Variants in TCEA2 observed in about 807,000 individuals in gnomAD.
TCEA2 encodes transcription elongation factor A protein 2.
A neutral mutation model predicts 40.8 loss-of-function variants in TCEA2; 21 were observed. That is an observed-to-expected ratio of 0.51 (90% CI 0.36 to 0.74). TCEA2 has a LOEUF of 0.74. TCEA2 is among the 30% of genes least tolerant of loss of function. The pLI is 0.00. For missense variants in TCEA2, 326 were observed against 426.5 expected, an observed-to-expected ratio of 0.76 and a Z score of 2.08; for synonymous variants, 165 against 162.7, an observed-to-expected ratio of 1.01 and a Z score of -0.11.
At chr20:64,057,994 C>T (rs2059495996) in intron 1 of TCEA2, among the ~76,000 whole-genome samples, 1 of 152,226 alleles carries the variant, frequency 6.6e-6, no homozygotes, top group South Asian at 2.1e-4. Flanking sequence ...AGTCACCTGC[C>T]TCTGCCCGGG....
At chr20:64,063,496 C>A in intron 1 of TCEA2, 112 bp downstream of exon 1, 1 of 1,259,954 alleles carries the variant, frequency 7.9e-7, no homozygotes, top group Non-Finnish European at 1.1e-6. Context: ...GACGAGACCC[C>A]TCCCCGGCAG....
rs1360562214 is a variant in TCEA2, at chr20:64,058,196, C to T, written c.-84+545C>T. Among the ~76,000 whole-genome samples, 2 of 152,212 alleles carry T rather than the reference C, an allele frequency of 1.3e-5. No individual in the cohort carries two copies. Among genetic ancestry groups the T allele is most frequent in the Non-Finnish European group, 2.9e-5 (2 of 68,028 alleles). Reference sequence around the variant, plus strand: ...TGCTAACCCCCTTCCCTGCCTGTCCCGTCCGCTCCTTTCTCTCCATCACCT... The same window carrying T: ...TGCTAACCCCCTTCCCTGCCTGTCCTGTCCGCTCCTTTCTCTCCATCACCT... On this transcript the variant is annotated intron_variant, in intron 1 of 10. Transcript: ENST00000361317. The surrounding 1 kb of genome is among the most constrained non-coding windows in gnomAD (Gnocchi z 6.7).
rs2059805029 is a variant in TCEA2, at chr20:64,070,571, G to C, written c.755G>C (p.Gly252Ala). ...CGAGAGCACCAGATGGCCCGCACTG[G>C]CGGCACGCAGACAGACCTGTTCACC... ...AIREHQMART[G>A]GTQTDLFTCG... is the part of the protein sequence containing the mutation. Residue 252 changes from glycine to alanine, a missense_variant, in exon 8 of 10, where the codon GGC becomes GCC. By Grantham distance (60) the Gly-to-Ala change is moderately conservative. Coordinates refer to ENST00000343484, the MANE Select transcript of TCEA2 (RefSeq NM_003195.6). The C allele has an allele frequency of 6.2e-7, 1 of 1,613,742 alleles. No homozygotes were observed. The highest frequency in any genetic ancestry group is 2.2e-5 in the East Asian group (1 of 44,878).
intron 1 of TCEA2, 35 bp from the exon 2 acceptor site, chr20:64,066,441 A>G (rs1569248833): frequency 1.2e-6 from 2 of 1,610,062 alleles, no homozygotes; most frequent in East Asian, 2.2e-5. Context: ...GTTGAGATCT[A>G]AAGTCCTTTA....
At chr20:64,056,108 G>A (rs946379149), upstream of TCEA2, among the ~76,000 whole-genome samples, 7 of 152,148 alleles carry the variant, frequency 4.6e-5, no homozygotes, top group Admixed American at 1.3e-4. Flanking sequence ...ACTGGCCTCT[G>A]GGGATGCCTC....
At chr20:64,070,764 C>G in intron 8 of TCEA2, 129 bp downstream of exon 8, 1 of 1,335,756 alleles carries the variant, frequency 7.5e-7, no homozygotes, top group Non-Finnish European at 1.0e-6. Context: ...CCTGAGTAGG[C>G]TAAGGCATGA....
At chr20:64,057,163 A>C (rs1283359439), upstream of TCEA2, 1 of 152,144 alleles carries the variant, frequency 6.6e-6, no homozygotes, top group African/African-American at 2.4e-5. Context: ...TCTCCCCTCC[A>C]CCTGCACGTC....
chr20:64,069,583 G>C (rs1433354976), intron 5 of TCEA2, 92 bp downstream of exon 5: 11 of 1,559,770 alleles, frequency 7.1e-6, no homozygotes, highest in Non-Finnish European at 8.7e-6. Flanking sequence ...CTTCCAGCGG[G>C]GTGACTGTCC....
At chr20:64,063,720 G>A (rs1437107457) in intron 1 of TCEA2, 1 of 314,854 alleles carries the variant, frequency 3.2e-6, no homozygotes, top group South Asian at 4.7e-5. Flanking sequence ...CCCCCAGCCT[G>A]GCCCGTCGAC....
At position 64,066,510 on chromosome 20, in the gene TCEA2, C is replaced by G. The variant is rs746994502; in HGVS notation, c.107C>G (p.Ala36Gly). The G allele has an allele frequency of 5.2e-5, 84 of 1,613,774 alleles. No homozygotes were observed. Among genetic ancestry groups the G allele is most frequent in the Non-Finnish European group, 6.8e-5 (80 of 1,179,906 alleles). Reference protein sequence around the residue: ...GAMDLLRELKAMPITLHLLQS... With the variant: ...GAMDLLRELKGMPITLHLLQS... ...ATGGATTTGCTGCGGGAGCTGAAGG[C>G]CATGCCTATCACGCTGCACCTGCTC... Residue 36 changes from alanine to glycine, a missense_variant, in exon 2 of 10, where the codon GCC (alanine) becomes GGC (glycine). Ala to Gly is a moderately conservative substitution (Grantham distance 60, BLOSUM62 0). Coordinates refer to ENST00000343484, the MANE Select transcript of TCEA2 (RefSeq NM_003195.6).
rs536735691 is a variant in TCEA2 at position 64,058,022 on chromosome 20, G to A, written c.-84+371G>A. On this transcript the variant is annotated intron_variant, in intron 1 of 10. Coordinates refer to the TCEA2 transcript ENST00000361317. This position sits in a 1 kb window ranked among gnomAD's most constrained non-coding sequence, Gnocchi z 6.7. ...TGCCCGGGGGCGGGACCATCCCACC[G>A]GATTGCAGGTTCCCTGATCACCAGG... 1.3e-5 allele frequency among the ~76,000 whole-genome samples: 2 copies of A among 152,320 alleles called. No individual in the cohort carries two copies. The highest frequency in any genetic ancestry group is 2.9e-5 in the Non-Finnish European group (2 of 68,018).
At chr20:64,065,818 A>G (rs1221922435) in intron 1 of TCEA2, 1 of 152,452 alleles carries the variant, frequency 6.6e-6, no homozygotes. Context: ...AGGATAGATG[A>G]GGAGGGGGGC....
intron 1 of TCEA2, 60 bp downstream of exon 1, chr20:64,063,444 C>G: frequency 6.6e-7 from 1 of 1,521,364 alleles, no homozygotes; most frequent in South Asian, 1.2e-5. Context: ...CCCGTCGAGC[C>G]CGCCGACCCC....
chr20:64,065,306 CT>C (rs11477195), intron 1 of TCEA2, among the ~76,000 whole-genome samples: 128,802 of 152,124 alleles, frequency 0.85, 55,638 homozygotes, highest in East Asian at 1. Flanking sequence ...CGTGAGCAGA[CT>C]ATGCCACCCG....
rs997821194 is a variant in TCEA2 at position 64,065,159 on chromosome 20, G to A, written c.73-1317G>A. 2.6e-5 allele frequency among the ~76,000 whole-genome samples: 4 copies of A among 152,274 alleles called. No individual in the cohort carries two copies. The East Asian group carries it at 7.7e-4, about 29-fold the overall frequency. ...TGGGGGTTTTTTTGCCTCTGGACCT[G>A]AGCCCACTGAGAGCCACGTAAGCAG... On this transcript the variant is annotated intron_variant, in intron 1 of 9. Transcript: ENST00000343484.
chr20:64,056,494 G>T (rs1601560448), upstream of TCEA2, among the ~76,000 whole-genome samples: 1 of 152,236 alleles, frequency 6.6e-6, no homozygotes, highest in East Asian at 1.9e-4. Flanking sequence ...GCTCCTAGGT[G>T]CTTGGGCTGT....
upstream of TCEA2, among the ~76,000 whole-genome samples, chr20:64,059,020 G>A (rs943740552): frequency 2.6e-5 from 4 of 152,004 alleles, no homozygotes; most frequent in East Asian, 1.9e-4. Flanking sequence ...ATGTAACCTC[G>A]TCTCTACTAA....
chr20:64,057,847 G>A lies in TCEA2; in HGVS notation c.-84+196G>A, dbSNP rs944741145. Among the ~76,000 whole-genome samples, 25 of 152,302 alleles carry A rather than the reference G, an allele frequency of 1.6e-4. No homozygotes were observed. In the East Asian group the frequency reaches 4.8e-3, roughly 29 times the overall value. ...ACCTCGGCCACTTCACAGTCCTGGG[G>A]GGCAGCTGTGGCTCTTGCTGGGAAC... On this transcript the variant is annotated intron_variant, in intron 1 of 10. Coordinates refer to the TCEA2 transcript ENST00000361317.
At chr20:64,060,724 A>T (rs997382313), upstream of TCEA2, among the ~76,000 whole-genome samples, 2 of 152,134 alleles carry the variant, frequency 1.3e-5, no homozygotes, top group African/African-American at 4.8e-5. Flanking sequence ...ATAATAATAT[A>T]ATATCGCGGG....
Sources: allele counts gnomAD v4.1 joint callset (sites outside exome capture counted in the v4.1 genomes callset), GRCh38; gene constraint gnomAD v4.1.1; non-coding constraint Gnocchi (gnomAD v3.1); transcripts MANE v1.5; gene names NCBI Gene and HGNC (gene_info 2026-07-23, HGNC 2026-07-21).